The following POU6F2 variants were observed in gnomAD, a reference collection of about 807,000 sequenced individuals.
The protein encoded by POU6F2 is POU class 6 homeobox 2.
Under a neutral mutation model 71.3 loss-of-function variants are expected in POU6F2, and 31 were observed. The ratio of observed to expected loss-of-function variants is 0.43; its 90% CI spans 0.33 to 0.59. POU6F2 has a LOEUF of 0.59. POU6F2 is among the 20% of genes least tolerant of loss of function. The pLI, the probability that POU6F2 is intolerant of heterozygous loss-of-function variation, is 0.04. For missense variants in POU6F2, 783 were observed against 856.8 expected (o/e 0.91, Z 1.07); for synonymous variants, 347 against 355.7 (o/e 0.98, Z 0.27).
At chr7:39,319,013 A>G (rs538624103) in intron 4 of POU6F2, among the ~76,000 whole-genome samples, 2 of 152,136 alleles carry the variant, frequency 1.3e-5, no homozygotes, top group Non-Finnish European at 2.9e-5. Context: ...GTGGTGGTGC[A>G]TGCAGGTACT....
At chr7:39,280,320 A>G (rs1784539272) in intron 4 of POU6F2, among the ~76,000 whole-genome samples, 1 of 152,196 alleles carries the variant, frequency 6.6e-6, no homozygotes, top group South Asian at 2.1e-4. Flanking sequence ...CCTGGCATCT[A>G]TAATAGGTGA....
At chr7:39,137,745 A>G (rs1283245261) in intron 2 of POU6F2, among the ~76,000 whole-genome samples, 1 of 152,218 alleles carries the variant, frequency 6.6e-6, no homozygotes, top group Non-Finnish European at 1.5e-5. Flanking sequence ...ATTACTCTTT[A>G]TAAACCCTAT....
Position 39,464,162 on chromosome 7 carries a change from T to C in POU6F2, c.1659-20T>C. The C allele has an allele frequency of 6.2e-7, 1 of 1,609,646 alleles. No homozygotes were observed. The highest frequency in any genetic ancestry group is 1.1e-5 in the South Asian group (1 of 90,522). ...AGAGGACTCAGTGTAAGACTGTTCT[T>C]TCTCAATTTTCCCCCCCAGACACAC... is the stretch of plus-strand genomic sequence containing the variant. On this transcript the variant is annotated intron_variant, in intron 9 of 9. Coordinates refer to ENST00000518318, the MANE Select transcript of POU6F2 (RefSeq NM_001370959.1). This position sits in a 1 kb window ranked among gnomAD's most constrained non-coding sequence, Gnocchi z 4.1.
At chr7:39,035,407 G>A (rs917005329) in intron 1 of POU6F2, among the ~76,000 whole-genome samples, 4 of 152,058 alleles carry the variant, frequency 2.6e-5, no homozygotes, top group Non-Finnish European at 5.9e-5. Context: ...AGGCACTGGC[G>A]TTTTCTGTTT....
At chr7:39,069,899 C>T (rs1051007537) in intron 1 of POU6F2, among the ~76,000 whole-genome samples, 17 of 152,104 alleles carry the variant, frequency 1.1e-4, no homozygotes, top group African/African-American at 4.1e-4. Flanking sequence ...ATTCACGTAT[C>T]AGTGGACCCT....
At chr7:39,447,386 C>T (rs929145798) in intron 7 of POU6F2, among the ~76,000 whole-genome samples, 3 of 152,136 alleles carry the variant, frequency 2.0e-5, no homozygotes, top group African/African-American at 7.2e-5. Context: ...CTGCTCATCT[C>T]CGATGATCGT....
chr7:39,412,023 T>C (rs1453728868), intron 6 of POU6F2, among the ~76,000 whole-genome samples: 1 of 152,136 alleles, frequency 6.6e-6, no homozygotes, highest in Non-Finnish European at 1.5e-5. Context: ...ACAAATAACA[T>C]CTCCAGAGAG....
intron 5 of POU6F2, among the ~76,000 whole-genome samples, chr7:39,351,699 C>T (rs1205516660): frequency 6.6e-6 from 1 of 152,156 alleles, no homozygotes; most frequent in Admixed American, 6.5e-5. Context: ...CTAACCAGCT[C>T]CAGGAATGCT....
intron 1 of POU6F2, among the ~76,000 whole-genome samples, chr7:38,989,732 G>GATAT (rs111267923): frequency 8.2e-4 from 123 of 149,826 alleles, no homozygotes; most frequent in Middle Eastern, 3.4e-3. Flanking sequence ...TGAGAAGTAA[G>GATAT]ATATATATAT....
chr7:39,348,651 G>A (rs1786076106), intron 5 of POU6F2, among the ~76,000 whole-genome samples: 1 of 152,064 alleles, frequency 6.6e-6, no homozygotes, highest in Non-Finnish European at 1.5e-5. Context: ...TGTTCATTTT[G>A]GTTATTAGTG....
In POU6F2 at chr7:39,460,795, G is replaced by A. The variant is rs1196652638; in HGVS notation, c.1658+80G>A. ...CCTCGCGGTTCAGCTTTTCTTCGTCGGGTGGGCAAAGCTGGAGGGGCAGAG... is the reference window on the plus strand; with the variant it reads ...CCTCGCGGTTCAGCTTTTCTTCGTCAGGTGGGCAAAGCTGGAGGGGCAGAG... On this transcript the variant is annotated intron_variant, in intron 9 of 9. Coordinates refer to ENST00000518318, the MANE Select transcript of POU6F2 (RefSeq NM_001370959.1). This position sits in a 1 kb window ranked among gnomAD's most constrained non-coding sequence, Gnocchi z 4.4. The A allele has an allele frequency of 1.3e-5, 18 of 1,416,890 alleles. No individual in the cohort carries two copies. Among genetic ancestry groups the A allele is most frequent in the Admixed American group, 8.3e-5 (3 of 36,128 alleles). 87.8% of individuals were successfully genotyped at this position (1,416,890 alleles called of 1,614,324 possible). A position where few individuals can be genotyped will look rare whatever the true frequency, so the allele number is the denominator to read the frequency against.
rs779998076 is a variant in POU6F2 at position 39,086,053 on chromosome 7, A to G, written c.277+22A>G. ...TTCGGTAAGTCTGTCTAGGTATTTC[A>G]TTTCAGTACTACCATGTTGTCCGGA... On this transcript the variant is annotated intron_variant, in intron 2 of 9. Coordinates refer to ENST00000518318, the MANE Select transcript of POU6F2 (RefSeq NM_001370959.1). The G allele has an allele frequency of 9.3e-6, 15 of 1,610,086 alleles. No individual in the cohort carries two copies. The Admixed American group carries it at 1.8e-4, about 20-fold the overall frequency.
At chr7:39,235,056 A>G (rs1794650094) in intron 4 of POU6F2, among the ~76,000 whole-genome samples, 2 of 152,152 alleles carry the variant, frequency 1.3e-5, no homozygotes, top group Admixed American at 1.3e-4. Context: ...TGTCTTTAGG[A>G]TGCTAAACTC....
chr7:39,026,727 G>C (rs859546), intron 1 of POU6F2, among the ~76,000 whole-genome samples: 16,039 of 152,036 alleles, frequency 0.11, 898 homozygotes, highest in Middle Eastern at 0.13. Flanking sequence ...TTGTGCACAT[G>C]TACCCTAAAA....
At chr7:39,056,305 C>T (rs372436667) in intron 1 of POU6F2, among the ~76,000 whole-genome samples, 15 of 151,916 alleles carry the variant, frequency 9.9e-5, no homozygotes, top group African/African-American at 3.4e-4. Flanking sequence ...CTGTCAACTC[C>T]TATTTTATCT....
chr7:39,252,722 T>C (rs541851406), intron 4 of POU6F2, among the ~76,000 whole-genome samples: 3 of 152,152 alleles, frequency 2.0e-5, no homozygotes, highest in African/African-American at 7.2e-5. Context: ...CTTGGAATGC[T>C]TTTCCCTCAG....
At chr7:39,090,680 T>A (rs1791345405) in intron 2 of POU6F2, among the ~76,000 whole-genome samples, 1 of 151,526 alleles carries the variant, frequency 6.6e-6, no homozygotes, top group Non-Finnish European at 1.5e-5. Flanking sequence ...TTAAAATATG[T>A]ATCATGCTTC....
intron 4 of POU6F2, among the ~76,000 whole-genome samples, chr7:39,304,603 C>T (rs113985620): frequency 0.03 from 4,597 of 152,160 alleles, 104 homozygotes; most frequent in Middle Eastern, 0.061. Context: ...AAATAGGGCT[C>T]GCTGGCAAAG....
intron 4 of POU6F2, among the ~76,000 whole-genome samples, chr7:39,247,987 A>G (rs1245530581): frequency 6.6e-6 from 1 of 152,152 alleles, no homozygotes; most frequent in Non-Finnish European, 1.5e-5. Flanking sequence ...TATACAGTAC[A>G]TTTAATTTCT....
Sources: allele counts gnomAD v4.1 joint callset (sites outside exome capture counted in the v4.1 genomes callset), GRCh38; gene constraint gnomAD v4.1.1; non-coding constraint Gnocchi (gnomAD v3.1); transcripts MANE v1.5; gene names NCBI Gene and HGNC (gene_info 2026-07-23, HGNC 2026-07-21).